SEC24B: variants seen among roughly 807,000 people sequenced by gnomAD.
SEC24B encodes SEC24 homolog B, COPII component.
SEC24B carries 45 observed loss-of-function variants against 142.8 expected under a neutral mutation model. The ratio of observed to expected loss-of-function variants is 0.32; its 90% confidence interval spans 0.25 to 0.40. The LOEUF is 0.40. SEC24B is among the 10% of genes least tolerant of loss of function. The pLI, the probability that SEC24B is intolerant of heterozygous loss-of-function variation, is 1.00. For synonymous variants in SEC24B, 574 were observed against 568.2 expected (o/e 1.01, Z -0.15); for missense variants, 1,409 against 1,526.8 (o/e 0.92, Z 1.29).
chr4:109,496,180 T>G (rs1213432376), intron 6 of SEC24B, among the ~76,000 whole-genome samples: 1 of 151,956 alleles, frequency 6.6e-6, no homozygotes, highest in African/African-American at 2.4e-5. Context: ...TGGCGCTATC[T>G]CAGCTCACTG....
chr4:109,454,575 C>G (rs1730465928), intron 1 of SEC24B, among the ~76,000 whole-genome samples: 1 of 151,642 alleles, frequency 6.6e-6, no homozygotes, highest in South Asian at 2.1e-4. Flanking sequence ...AACAAAACTC[C>G]AAAATGAAGG....
At chr4:109,486,003 A>G (rs1734310843) in intron 4 of SEC24B, among the ~76,000 whole-genome samples, 1 of 152,236 alleles carries the variant, frequency 6.6e-6, no homozygotes, top group African/African-American at 2.4e-5. Flanking sequence ...TGAGGAAAAA[A>G]AAACAATTGG....
chr4:109,456,398 A>G (rs1398471464), intron 1 of SEC24B, among the ~76,000 whole-genome samples: 1 of 134,580 alleles, frequency 7.4e-6, no homozygotes, highest in Non-Finnish European at 1.5e-5. Flanking sequence ...TTCTTGCCTC[A>G]CTGAAGGGGC....
chr4:109,513,987 G>T, intron 10 of SEC24B, 131 bp downstream of exon 10: 1 of 587,212 alleles, frequency 1.7e-6, no homozygotes, highest in Middle Eastern at 2.8e-4. Context: ...AATTAATGCT[G>T]GAAGTTTATA....
chr4:109,497,147 G>T (rs1291156371), intron 6 of SEC24B, among the ~76,000 whole-genome samples: 1 of 152,222 alleles, frequency 6.6e-6, no homozygotes, highest in African/African-American at 2.4e-5. Flanking sequence ...TTGCACTACA[G>T]TAGTACAGTT....
intron 6 of SEC24B, among the ~76,000 whole-genome samples, chr4:109,500,059 GTGTT>G (rs1240584061): frequency 1.3e-5 from 2 of 152,082 alleles, no homozygotes; most frequent in Admixed American, 6.5e-5. Flanking sequence ...GCAAATGTGT[GTGTT>G]TGTGTATTCA....
intron 6 of SEC24B, among the ~76,000 whole-genome samples, chr4:109,497,281 T>G (rs1455786878): frequency 6.6e-6 from 1 of 152,238 alleles, no homozygotes; most frequent in African/African-American, 2.4e-5. Context: ...ATTTCGTATT[T>G]TATTTGGGAG....
chr4:109,462,949 A>C lies in SEC24B; in HGVS notation c.182A>C (p.His61Pro). 1 of 1,613,072 alleles carries C rather than the reference A, an allele frequency of 6.2e-7. No individual in the cohort carries two copies. Residue 61 changes from histidine (H) to proline (P), a missense_variant, in exon 2 of 24, where the codon CAT (histidine) becomes CCT (proline). Transcript: ENST00000265175. ...GTTCCATCTGGATATGGATTGCATC[A>C]TCAAAACTATATTGCTCCCTCAGGA... Reference protein sequence around the residue: ...MQVPSGYGLHHQNYIAPSGHY... With the variant: ...MQVPSGYGLHPQNYIAPSGHY...
At chr4:109,513,602 G>A (rs746035876) in intron 9 of SEC24B, 145 bp from the exon 10 acceptor site, 3 of 568,952 alleles carry the variant, frequency 5.3e-6, no homozygotes, top group Non-Finnish European at 9.5e-6. Context: ...GAGGGCTTAA[G>A]GGATTGATTT....
intron 6 of SEC24B, among the ~76,000 whole-genome samples, chr4:109,499,485 A>T (rs1735882421): frequency 1.3e-5 from 2 of 152,152 alleles, no homozygotes; most frequent in Non-Finnish European, 2.9e-5. Flanking sequence ...AGAAAAAAAA[A>T]ATCCTTGTGT....
At chr4:109,512,126 G>GC in intron 9 of SEC24B, 43 bp downstream of exon 9, 1 of 1,316,116 alleles carries the variant, frequency 7.6e-7, no homozygotes, top group Non-Finnish European at 1.0e-6. Context: ...CTATTTTCAG[G>GC]TTTTTTTTTT....
chr4:109,445,814 C>A (rs1729399930), intron 1 of SEC24B, among the ~76,000 whole-genome samples: 1 of 151,702 alleles, frequency 6.6e-6, no homozygotes, highest in Non-Finnish European at 1.5e-5. Flanking sequence ...TCAAGCAATC[C>A]CCCTGCCTCA....
intron 5 of SEC24B, 23 bp downstream of exon 5, chr4:109,491,430 G>C: frequency 1.9e-6 from 3 of 1,569,628 alleles, no homozygotes; most frequent in Non-Finnish European, 1.8e-6. Context: ...GTGCTTGCTT[G>C]ATCTTCATTT....
intron 17 of SEC24B, 23 bp downstream of exon 17, chr4:109,526,422 AT>A: frequency 6.4e-7 from 1 of 1,572,174 alleles, no homozygotes; most frequent in East Asian, 2.3e-5. Context: ...GAAATGAAAT[AT>A]AGTCTGCAGC....
Position 109,507,680 on chromosome 4 carries a change from T to C in SEC24B, c.1673+1168T>C, listed in dbSNP as rs150242576. Reference sequence around the variant, plus strand: ...TTATTTTTGAGACGGAGTTTCGCTGTTGTTGCCCAGGCTGGAGTGCAATAA... The same window carrying C: ...TTATTTTTGAGACGGAGTTTCGCTGCTGTTGCCCAGGCTGGAGTGCAATAA... On this transcript the variant is annotated intron_variant, in intron 7 of 23. Transcript: ENST00000265175. 2.3e-3 allele frequency among the ~76,000 whole-genome samples: 343 copies of C among 149,060 alleles called. 10 individuals are homozygous for C. The East Asian group carries it at 0.064, about 28-fold the overall frequency.
intron 9 of SEC24B, 98 bp from the exon 10 acceptor site, chr4:109,513,649 C>T (rs903535749): frequency 5.6e-6 from 4 of 709,086 alleles, no homozygotes; most frequent in East Asian, 5.3e-5. Flanking sequence ...TGCTAAACCT[C>T]GTGTAAATAT....
chr4:109,470,478 A>C (rs1732399355), intron 2 of SEC24B, among the ~76,000 whole-genome samples: 1 of 152,220 alleles, frequency 6.6e-6, no homozygotes, highest in Non-Finnish European at 1.5e-5. Flanking sequence ...GATACTGGAC[A>C]AAGAGACTAG....
intron 1 of SEC24B, among the ~76,000 whole-genome samples, chr4:109,454,276 C>T (rs1280224247): frequency 2.6e-5 from 4 of 152,020 alleles, no homozygotes; most frequent in African/African-American, 7.3e-5. Flanking sequence ...CAGTAGCTCT[C>T]GCCTATAATC....
intron 1 of SEC24B, among the ~76,000 whole-genome samples, chr4:109,459,872 A>G (rs1561081728): frequency 6.6e-6 from 1 of 152,226 alleles, no homozygotes. Flanking sequence ...CTACTAGTGT[A>G]GAGTTTTCTG....
Sources: allele counts gnomAD v4.1 joint callset (sites outside exome capture counted in the v4.1 genomes callset), GRCh38; gene constraint gnomAD v4.1.1; transcripts MANE v1.5; gene names NCBI Gene and HGNC (gene_info 2026-07-23, HGNC 2026-07-21).